CADM2: variants seen among roughly 807,000 people sequenced by gnomAD.
CADM2 encodes the protein immunoglobulin superfamily member 4D.
CADM2 carries 12 observed loss-of-function variants against 49.8 expected under a neutral mutation model. That is an observed-to-expected ratio of 0.24 (90% CI 0.15 to 0.39). CADM2 has a LOEUF of 0.39. CADM2 is among the 10% of genes least tolerant of loss of function. The pLI is 1.00. For synonymous variants in CADM2, 214 were observed against 175.4 expected (o/e 1.22, Z -1.74); for missense variants, 378 against 492.3 (o/e 0.77, Z 2.20).
intron 1 of CADM2, among the ~76,000 whole-genome samples, chr3:85,040,561 T>A (rs537593711): frequency 6.6e-6 from 1 of 151,262 alleles, no homozygotes; most frequent in Non-Finnish European, 1.5e-5. Context: ...TAGAGGAGAA[T>A]TAAGCCATCT....
At chr3:85,323,760 A>G (rs571833252) in intron 1 of CADM2, among the ~76,000 whole-genome samples, 1 of 152,170 alleles carries the variant, frequency 6.6e-6, no homozygotes, top group African/African-American at 2.4e-5. Flanking sequence ...TCTCATCACG[A>G]TGCTAAAACA....
intron 3 of CADM2, among the ~76,000 whole-genome samples, chr3:85,837,873 A>G (rs2074474497): frequency 6.6e-6 from 1 of 151,776 alleles, no homozygotes; most frequent in Admixed American, 6.6e-5. Context: ...TACCTGAGAT[A>G]TTGTGATAAA....
chr3:85,267,141 A>AAAG (rs66742335), intron 1 of CADM2, among the ~76,000 whole-genome samples: 71,826 of 151,154 alleles, frequency 0.48, 17,348 homozygotes, highest in Admixed American at 0.59. Context: ...AAGATTAACC[A>AAAG]TAATTTGAAG....
rs750074832 is a variant in CADM2 at position 86,066,662 on chromosome 3, C to T, written c.1097-3C>T. 10 of 1,592,178 alleles carry T rather than the reference C, an allele frequency of 6.3e-6. No individual in the cohort carries two copies. Among genetic ancestry groups the T allele is most frequent in the Non-Finnish European group, 7.8e-6 (9 of 1,160,200 alleles). Reference sequence around the variant, plus strand: ...TAACATATTTTTCTTCCAATATATGCAGGAACGTATTTAACAAATGAAGCT... The same window carrying T: ...TAACATATTTTTCTTCCAATATATGTAGGAACGTATTTAACAAATGAAGCT... On this transcript the variant is annotated splice_polypyrimidine_tract_variant and splice_region_variant and intron_variant, in intron 9 of 9. Transcript: ENST00000383699.
At chr3:85,917,256 G>A (rs1428080850) in intron 6 of CADM2, among the ~76,000 whole-genome samples, 1 of 152,102 alleles carries the variant, frequency 6.6e-6, no homozygotes, top group Non-Finnish European at 1.5e-5. Flanking sequence ...CCTGTGTCCT[G>A]AATGGTATTG....
intron 1 of CADM2, among the ~76,000 whole-genome samples, chr3:85,666,611 G>A (rs1256917155): frequency 3.3e-5 from 5 of 151,970 alleles, no homozygotes; most frequent in Non-Finnish European, 4.4e-5. Context: ...ATGCAGAAGA[G>A]AATAAAAGGG....
At chr3:85,788,664 T>A (rs1208054408) in intron 2 of CADM2, among the ~76,000 whole-genome samples, 1 of 151,968 alleles carries the variant, frequency 6.6e-6, no homozygotes, top group African/African-American at 2.4e-5. Flanking sequence ...AACAATTGAT[T>A]TGAGTTTGAA....
intron 1 of CADM2, among the ~76,000 whole-genome samples, chr3:85,106,917 G>A (rs552369099): frequency 2.0e-5 from 3 of 152,164 alleles, no homozygotes; most frequent in Non-Finnish European, 2.9e-5. Context: ...TATGAAGAAA[G>A]AGAATTAGGA....
intron 8 of CADM2, chr3:86,014,531 A>G: frequency 6.4e-7 from 1 of 1,573,242 alleles, no homozygotes. Context: ...GTAACTTGGA[A>G]TCTCAGCTAG....
chr3:85,786,279 A>C (rs951995887), intron 2 of CADM2, among the ~76,000 whole-genome samples: 2 of 152,092 alleles, frequency 1.3e-5, no homozygotes, highest in African/African-American at 2.4e-5. Flanking sequence ...ATACAAAAAA[A>C]GTATTAATTC....
chr3:85,331,499 A>G (rs772288739), intron 1 of CADM2, among the ~76,000 whole-genome samples: 8 of 151,554 alleles, frequency 5.3e-5, no homozygotes, highest in African/African-American at 1.2e-4. Flanking sequence ...AAAATCTAAA[A>G]GTGACTATTG....
At chr3:85,336,893 A>G (rs2045093098) in intron 1 of CADM2, among the ~76,000 whole-genome samples, 1 of 143,024 alleles carries the variant, frequency 7.0e-6, no homozygotes. Context: ...AATTATATAT[A>G]TATAGCTTAT....
At chr3:85,637,967 C>G (rs1022754177) in intron 1 of CADM2, among the ~76,000 whole-genome samples, 4 of 152,196 alleles carry the variant, frequency 2.6e-5, no homozygotes, top group Non-Finnish European at 5.9e-5. Flanking sequence ...ATGCTGTATT[C>G]TAATGCGATA....
At chr3:85,777,229 C>T (rs2070400565) in intron 2 of CADM2, among the ~76,000 whole-genome samples, 1 of 133,206 alleles carries the variant, frequency 7.5e-6, no homozygotes, top group African/African-American at 2.6e-5. Context: ...AAAACATTTG[C>T]TATGGTTTTT....
chr3:85,217,297 A>G (rs2041949437), intron 1 of CADM2, among the ~76,000 whole-genome samples: 1 of 151,824 alleles, frequency 6.6e-6, no homozygotes, highest in African/African-American at 2.4e-5. Flanking sequence ...TAAGCATAGC[A>G]AATTTGATTA....
At chr3:85,290,760 G>A (rs1040459395) in intron 1 of CADM2, among the ~76,000 whole-genome samples, 12 of 152,040 alleles carry the variant, frequency 7.9e-5, no homozygotes, top group South Asian at 2.1e-4. Flanking sequence ...ACAAACAGAA[G>A]GGACATCCAC....
At chr3:85,034,254 A>T (rs1398165619) in intron 1 of CADM2, among the ~76,000 whole-genome samples, 2 of 152,082 alleles carry the variant, frequency 1.3e-5, no homozygotes, top group Admixed American at 1.3e-4. Context: ...GTGCATATTA[A>T]TTGTACCCAT....
intron 1 of CADM2, among the ~76,000 whole-genome samples, chr3:85,254,762 G>T (rs1333845342): frequency 6.6e-6 from 1 of 152,098 alleles, no homozygotes; most frequent in African/African-American, 2.4e-5. Flanking sequence ...AACACAAGAA[G>T]GTTGGGGGTG....
At chr3:85,446,412 A>G (rs1217336812) in intron 1 of CADM2, among the ~76,000 whole-genome samples, 1 of 152,106 alleles carries the variant, frequency 6.6e-6, no homozygotes. Flanking sequence ...CATCTTTCCG[A>G]ATGATGAGTT....
Sources: allele counts gnomAD v4.1 joint callset (sites outside exome capture counted in the v4.1 genomes callset), GRCh38; gene constraint gnomAD v4.1.1; transcripts MANE v1.5; gene names NCBI Gene and HGNC (gene_info 2026-07-23, HGNC 2026-07-21).